PPP1CA: variants seen among roughly 807,000 people sequenced by gnomAD.
The protein encoded by PPP1CA is protein phosphatase 1 catalytic subunit alpha, also known as serine/threonine-protein phosphatase PP1-alpha catalytic subunit.
A neutral mutation model predicts 38.5 loss-of-function variants in PPP1CA; 14 were observed. That is an observed-to-expected ratio of 0.36 (90% CI 0.24 to 0.57). The LOEUF (loss-of-function observed/expected upper bound fraction) is 0.57, where lower values mean the gene tolerates loss of function less well. Ranked by LOEUF, PPP1CA falls within the 20% of genes least tolerant of loss-of-function variation. PPP1CA has a pLI of 0.80. For synonymous variants in PPP1CA, 200 were observed against 177.3 expected, an observed-to-expected ratio of 1.13 and a Z score of -1.02; for missense variants, 277 against 435.2, an observed-to-expected ratio of 0.64 and a Z score of 3.23.
chr11:67,400,991 GGGA>G, intron 2 of PPP1CA, 72 bp from the exon 3 acceptor site: 1 of 1,608,600 alleles, frequency 6.2e-7, no homozygotes, highest in South Asian at 1.1e-5. Flanking sequence ...CTGCGCTCAA[GGGA>G]GGAGGGCTCC....
chr11:67,399,755 G>T, intron 3 of PPP1CA, 90 bp from the exon 4 acceptor site: 2 of 1,046,726 alleles, frequency 1.9e-6, no homozygotes, highest in Non-Finnish European at 2.9e-6. Flanking sequence ...GGAGGAGAGA[G>T]TCAGGCACCG....
In PPP1CA at chr11:67,398,938, A is replaced by G; in HGVS notation, c.747+2T>C. 1 of 1,613,114 alleles carries G rather than the reference A, an allele frequency of 6.2e-7. No homozygotes were observed. Among genetic ancestry groups the G allele is most frequent in the Non-Finnish European group, 8.5e-7 (1 of 1,179,998 alleles). On this transcript the variant is annotated splice_donor_variant, in intron 5 of 6. Transcript: ENST00000376745. LOFTEE classifies it high-confidence loss of function. ...TGCCGCAGGCCGGAGCCACCAGCCCACCTGGTGTGCTCGGCAGATGAGGTC... is the reference window on the plus strand; with the variant it reads ...TGCCGCAGGCCGGAGCCACCAGCCCGCCTGGTGTGCTCGGCAGATGAGGTC...
chr11:67,401,655 G>A (rs1038765089), intron 1 of PPP1CA, 73 bp downstream of exon 1: 10 of 1,220,212 alleles, frequency 8.2e-6, no homozygotes, highest in Non-Finnish European at 1.0e-5. Context: ...CCGGGGGCCC[G>A]CCCGCGCGCC....
intron 2 of PPP1CA, 55 bp from the exon 3 acceptor site, chr11:67,400,974 G>A (rs1862877218): frequency 3.7e-6 from 6 of 1,608,298 alleles, no homozygotes; most frequent in African/African-American, 1.3e-5. Flanking sequence ...TGAACCCAGG[G>A]CCAGGACTGC....
In PPP1CA at chr11:67,399,163, C is replaced by A; in HGVS notation, c.524G>T (p.Gly175Val). The change falls in exon 5 of 7, where the codon GGC becomes GTC. Residue 175 changes from glycine to valine, a missense_variant and splice_region_variant. This residue lies in a region of PPP1CA where 180 missense variants were observed against 356.7 expected (regional missense o/e 0.50). Coordinates refer to ENST00000376745, the MANE Select transcript of PPP1CA (RefSeq NM_002708.4). ...CATAGACTGCAGGTCCGGGGACAGG[C>A]CTGGGGGGCCGGGGGAAGGTCACTT... The part of the protein sequence containing the change: ...VDEKIFCCHG[G>V]LSPDLQSMEQ... 6.2e-7 allele frequency: 1 copy of A among 1,611,150 alleles called. No homozygotes were observed. Among genetic ancestry groups the A allele is most frequent in the Non-Finnish European group, 8.5e-7 (1 of 1,178,258 alleles).
In PPP1CA at chr11:67,401,782, T is replaced by TG; in HGVS notation, c.-1dup. ...AGGTTGAGCTTCTCGCTGTCGGACA[T>TG]GGCGGCGCCGCCGCTCCAGCCCAGC... On this transcript the variant is annotated 5_prime_UTR_variant, in exon 1 of 7. Coordinates refer to ENST00000376745, the MANE Select transcript of PPP1CA (RefSeq NM_002708.4). The TG allele has an allele frequency of 6.8e-7, 1 of 1,465,758 alleles. No individual in the cohort carries two copies. The highest frequency in any genetic ancestry group is 1.3e-5 in the South Asian group (1 of 75,912). 90.8% of individuals were successfully genotyped at this position (1,465,758 alleles called of 1,614,324 possible). A position where few individuals can be genotyped will look rare whatever the true frequency, so the allele number is the denominator to read the frequency against.
In PPP1CA at chr11:67,398,395, AAAG is replaced by A. The variant is rs560664551; in HGVS notation, c.*137_*139del. The A allele has an allele frequency of 2.5e-4, 220 of 867,422 alleles. No individual in the cohort carries two copies. The African/African-American group carries it at 3.5e-3, about 14-fold the overall frequency. 53.7% of individuals were successfully genotyped at this position (867,422 alleles called of 1,614,324 possible). A position where few individuals can be genotyped will look rare whatever the true frequency, so the allele number is the denominator to read the frequency against. ...GGACGCTGCTATTGATTCATTAAAA[AAAG>A]AAAAGAAAAATACACCAAGGCTCCA... On this transcript the variant is annotated 3_prime_UTR_variant, in exon 7 of 7. Coordinates refer to ENST00000376745, the MANE Select transcript of PPP1CA (RefSeq NM_002708.4).
intron 1 of PPP1CA, 169 bp downstream of exon 1, chr11:67,401,559 G>T: frequency 1.7e-6 from 1 of 587,950 alleles, no homozygotes; most frequent in Non-Finnish European, 2.6e-6. Context: ...CGTCGGAGCT[G>T]GCCCCGGACC....
At position 67,401,060 on chromosome 11, in the gene PPP1CA, G is replaced by A. The variant is rs923774028; in HGVS notation, c.187+8C>T. ...AGGAAGGCAAGGGGACCTGGGCCGG[G>A]GGCTCACCGCAGATCTTGAGGGGTG... On this transcript the variant is annotated splice_region_variant and intron_variant, in intron 2 of 6. Coordinates refer to ENST00000376745, the MANE Select transcript of PPP1CA (RefSeq NM_002708.4). 1 of 1,613,510 alleles carries A rather than the reference G, an allele frequency of 6.2e-7. No individual in the cohort carries two copies. Among genetic ancestry groups the A allele is most frequent in the Non-Finnish European group, 8.5e-7 (1 of 1,179,786 alleles).
intron 5 of PPP1CA, 34 bp downstream of exon 5, chr11:67,398,906 C>T (rs760412494): frequency 9.9e-6 from 16 of 1,612,218 alleles, no homozygotes; most frequent in Middle Eastern, 1.7e-4. Context: ...CGGCCCTCCC[C>T]TTCCCCTGCC....
intron 3 of PPP1CA, among the ~76,000 whole-genome samples, chr11:67,400,392 A>G (rs139113295): frequency 6.6e-6 from 1 of 152,356 alleles, no homozygotes; most frequent in Non-Finnish European, 1.5e-5. Flanking sequence ...CAGCTTCTGG[A>G]CAGCAGAGCC....
At chr11:67,399,751 G>T in intron 3 of PPP1CA, 86 bp from the exon 4 acceptor site, 2 of 1,118,304 alleles carry the variant, frequency 1.8e-6, no homozygotes, top group Non-Finnish European at 1.3e-6. Context: ...GCTGGGAGGA[G>T]AGAGTCAGGC....
Position 67,398,389 on chromosome 11 carries a change from T to C in PPP1CA, c.*146A>G. On this transcript the variant is annotated 3_prime_UTR_variant, in exon 7 of 7. Transcript: ENST00000376745. Reference sequence around the variant, plus strand: ...GGGACTGGACGCTGCTATTGATTCATTAAAAAAAGAAAAGAAAAATACACC... The same window carrying C: ...GGGACTGGACGCTGCTATTGATTCACTAAAAAAAGAAAAGAAAAATACACC... 1 of 809,746 alleles carries C rather than the reference T, an allele frequency of 1.2e-6. No individual in the cohort carries two copies. Among genetic ancestry groups the C allele is most frequent in the East Asian group, 2.7e-5 (1 of 37,044 alleles). The allele number at this position is 809,746 out of a possible 1,614,324, so 50.2% of individuals were successfully genotyped here. A position where few individuals can be genotyped will look rare whatever the true frequency, so the allele number is the denominator to read the frequency against.
chr11:67,400,627 C>T, intron 3 of PPP1CA, 62 bp downstream of exon 3: 1 of 1,477,884 alleles, frequency 6.8e-7, no homozygotes, highest in Non-Finnish European at 9.5e-7. Flanking sequence ...TGTGAAGGTC[C>T]CACTGAATGG....
intron 1 of PPP1CA, chr11:67,401,413 G>A (rs988827763): frequency 3.8e-6 from 3 of 783,922 alleles, no homozygotes; most frequent in African/African-American, 3.5e-5. Flanking sequence ...CGACTGTCGT[G>A]CGCAGGGGGC....
At chr11:67,400,485 C>T (rs150034142) in intron 3 of PPP1CA, among the ~76,000 whole-genome samples, 1 of 152,354 alleles carries the variant, frequency 6.6e-6, no homozygotes, top group East Asian at 1.9e-4. Context: ...CACTAGAATC[C>T]GGGCAGCCCT....
intron 1 of PPP1CA, 56 bp downstream of exon 1, chr11:67,401,672 G>A: frequency 3.1e-6 from 4 of 1,286,576 alleles, no homozygotes; most frequent in Non-Finnish European, 3.9e-6. Flanking sequence ...CGCCACTTCC[G>A]GGCCGGGCAG....
At chr11:67,400,493 C>T (rs1332392367) in intron 3 of PPP1CA, among the ~76,000 whole-genome samples, 196 bp downstream of exon 3, 1 of 152,240 alleles carries the variant, frequency 6.6e-6, no homozygotes, top group East Asian at 1.9e-4. Flanking sequence ...TCCGGGCAGC[C>T]CTTCAGTCAG....
Position 67,400,797 on chromosome 11 carries a change from T to C in PPP1CA, c.310A>G (p.Ile104Val), listed in dbSNP as rs1320600778. ...VDRGKQSLETICLLLAYKIKY... is the reference protein window; with the variant it reads ...VDRGKQSLETVCLLLAYKIKY... ...ATCTTATAGGCCAGCAGCAGGCAGA[T>C]GGTCTCCAAGGACTGCTTGCCCCTG... is the stretch of plus-strand genomic sequence containing the variant. Residue 104 changes from isoleucine to valine, a missense_variant, in exon 3 of 7, where the codon ATC becomes GTC. This residue lies in a region of PPP1CA where 180 missense variants were observed against 356.7 expected (regional missense o/e 0.50). Transcript: ENST00000376745. 6.2e-7 allele frequency: 1 copy of C among 1,614,146 alleles called. No individual in the cohort carries two copies. The highest frequency in any genetic ancestry group is 8.5e-7 in the Non-Finnish European group (1 of 1,180,032).
Sources: gnomAD v4.1 joint callset for allele counts (sites outside exome capture counted in the v4.1 genomes callset) on GRCh38, gnomAD v4.1.1 for gene constraint, gnomAD v4.1.1 regional missense constraint, MANE v1.5 for transcripts, NCBI Gene and HGNC (gene_info 2026-07-23, HGNC 2026-07-21) for gene names.